LRRC8A: variants seen among roughly 807,000 people sequenced by gnomAD.
The protein encoded by LRRC8A is leucine rich repeat containing 8 VRAC subunit A.
Under a neutral mutation model 52.5 loss-of-function variants are expected in LRRC8A, and 24 were observed. The observed-to-expected ratio is 0.46, with a 90% confidence interval of 0.33 to 0.64. The LOEUF is 0.64. LRRC8A is among the 30% of genes least tolerant of loss of function. The pLI is 0.02. For missense variants in LRRC8A, 677 were observed against 1,094.7 expected (o/e 0.62, Z 5.38); for synonymous variants, 492 against 494.2 (o/e 1.00, Z 0.06).
In LRRC8A at chr9:128,902,619, C is replaced by T. The variant is rs949047864; in HGVS notation, c.-8-4538C>T. 7.2e-5 allele frequency among the ~76,000 whole-genome samples: 11 copies of T among 152,192 alleles called. No homozygotes were observed. The highest frequency in any genetic ancestry group is 2.2e-4 in the African/African-American group (9 of 41,436). ...GGGGCAGGCAGGCTGCTGCATGCAC[C>T]GGGCTCCTCTCCTCCCTCTTCTGTT... On this transcript the variant is annotated intron_variant, in intron 2 of 3. Coordinates refer to ENST00000372600, the MANE Select transcript of LRRC8A (RefSeq NM_019594.4). This position sits in a 1 kb window ranked among gnomAD's most constrained non-coding sequence, Gnocchi z 4.1.
Position 128,909,698 on chromosome 9 carries a change from C to G in LRRC8A, c.2157+377C>G, listed in dbSNP as rs184514286. On this transcript the variant is annotated intron_variant, in intron 3 of 3. Coordinates refer to ENST00000372600, the MANE Select transcript of LRRC8A (RefSeq NM_019594.4). ...AAACCCGGGGGTTCTCTCGCAAAGC[C>G]GGGTGGTGGGAGTCAAGACTTAGCC... 6.0e-4 allele frequency among the ~76,000 whole-genome samples: 92 copies of G among 152,292 alleles called. 1 individual carries two copies. Among genetic ancestry groups the G allele is most frequent in the East Asian group, 3.9e-3 (20 of 5,186 alleles).
Position 128,899,242 on chromosome 9 carries a change from A to G in LRRC8A, c.-8-7915A>G, listed in dbSNP as rs1839936913. ...CACAGCTCCGCCAGGACGCAGTGCC[A>G]GCTGAGAGGGCCGAGCACAGGGAGG... On this transcript the variant is annotated intron_variant, in intron 2 of 3. Transcript: ENST00000372600. The surrounding 1 kb of genome is among the most constrained non-coding windows in gnomAD (Gnocchi z 4.0). Among the ~76,000 whole-genome samples, 1 of 152,210 alleles carries G rather than the reference A, an allele frequency of 6.6e-6. No homozygotes were observed. The highest frequency in any genetic ancestry group is 2.1e-4 in the South Asian group (1 of 4,828).
chr9:128,909,266 C>T lies in LRRC8A; in HGVS notation c.2102C>T (p.Pro701Leu), dbSNP rs868542806. Residue 701 changes from proline (P) to leucine (L), a missense_variant, in exon 3 of 4, where the codon CCT becomes CTT. Physicochemically the swap from Pro to Leu is moderately conservative, Grantham distance 98. This residue lies in a region of LRRC8A where 169 missense variants were observed against 217.6 expected (regional missense o/e 0.78). Transcript: ENST00000372600. ...AGCCACAACAACCTGACCTTCCTCC[C>T]TGCCGACATCGGCCTCCTGCAGAAC... The part of the protein sequence containing the change: ...DLSHNNLTFL[P>L]ADIGLLQNLQ... The T allele has an allele frequency of 1.9e-6, 3 of 1,613,938 alleles. No individual in the cohort carries two copies. In the African/African-American group the frequency reaches 4.0e-5, roughly 22 times the overall value.
In LRRC8A at chr9:128,916,392, C is replaced by A; in HGVS notation, c.*21C>A. The A allele has an allele frequency of 6.3e-7, 1 of 1,598,820 alleles. No individual in the cohort carries two copies. Reference sequence around the variant, plus strand: ...CCTGAGCGAGGCCGGCCCAGCACAGCAAGCAGCAGGACCGCTGCCCAGTCC... The same window carrying A: ...CCTGAGCGAGGCCGGCCCAGCACAGAAAGCAGCAGGACCGCTGCCCAGTCC... On this transcript the variant is annotated 3_prime_UTR_variant, in exon 4 of 4. Transcript: ENST00000372600. The surrounding 1 kb of genome is among the most constrained non-coding windows in gnomAD (Gnocchi z 6.1).
At chr9:128,890,477 C>T (rs1283378465) in intron 2 of LRRC8A, among the ~76,000 whole-genome samples, 5 of 152,206 alleles carry the variant, frequency 3.3e-5, no homozygotes, top group Non-Finnish European at 7.3e-5. Flanking sequence ...CACTGCCAAA[C>T]CTGCGCCCTC....
At chr9:128,904,247 G>A (rs1033862048) in intron 2 of LRRC8A, among the ~76,000 whole-genome samples, 1 of 152,128 alleles carries the variant, frequency 6.6e-6, no homozygotes, top group African/African-American at 2.4e-5. Context: ...GGCCAGGCAT[G>A]GTGACTCACA....
intron 2 of LRRC8A, among the ~76,000 whole-genome samples, chr9:128,896,693 T>C (rs896657431): frequency 2.6e-5 from 4 of 152,192 alleles, no homozygotes; most frequent in African/African-American, 9.6e-5. Context: ...GTATTTATTC[T>C]GGATACTAAT....
rs1031154558 is a variant in LRRC8A at position 128,911,807 on chromosome 9, C to G, written c.2157+2486C>G. ...GGCTTAATCACATCCTGTCCCCACC[C>G]CCTGGAACACCAGAGCCTTAATAGG... On this transcript the variant is annotated intron_variant, in intron 3 of 3. Coordinates refer to ENST00000372600, the MANE Select transcript of LRRC8A (RefSeq NM_019594.4). This position sits in a 1 kb window ranked among gnomAD's most constrained non-coding sequence, Gnocchi z 4.9. 6.6e-6 allele frequency among the ~76,000 whole-genome samples: 1 copy of G among 152,230 alleles called. No homozygotes were observed. The highest frequency in any genetic ancestry group is 2.4e-5 in the African/African-American group (1 of 41,474).
rs1840316387 is a variant in LRRC8A at position 128,907,827 on chromosome 9, G to T, written c.663G>T (p.Gln221His). 1 of 1,613,966 alleles carries T rather than the reference G, an allele frequency of 6.2e-7. No homozygotes were observed. The highest frequency in any genetic ancestry group is 1.3e-5 in the African/African-American group (1 of 74,930). ...AGCGGACCAAGTCACGGATCGAGCA[G>T]GGTATCGTGGACCGCTCAGAGACGG... ...MLQRTKSRIE[Q>H]GIVDRSETGV... is the part of the protein sequence containing the mutation. Residue 221 changes from glutamine to histidine, a missense_variant, in exon 3 of 4, where the codon CAG (glutamine) becomes CAT (histidine). Gln to His is a conservative substitution (Grantham distance 24, BLOSUM62 0). This residue lies in a region of LRRC8A where 422 missense variants were observed against 741.5 expected (regional missense o/e 0.57). Coordinates refer to ENST00000372600, the MANE Select transcript of LRRC8A (RefSeq NM_019594.4). The surrounding 1 kb of genome is among the most constrained non-coding windows in gnomAD (Gnocchi z 9.3).
At chr9:128,914,583 G>C (rs1840722627) in intron 3 of LRRC8A, among the ~76,000 whole-genome samples, 1 of 152,202 alleles carries the variant, frequency 6.6e-6, no homozygotes, top group Admixed American at 6.5e-5. Flanking sequence ...AACCTCAGAC[G>C]AGTGGCGTGT....
rs1588212454 is a variant in LRRC8A, at chr9:128,902,149, A to G, written c.-8-5008A>G. 6.6e-6 allele frequency among the ~76,000 whole-genome samples: 1 copy of G among 152,152 alleles called. No homozygotes were observed. Among genetic ancestry groups the G allele is most frequent in the East Asian group, 1.9e-4 (1 of 5,178 alleles). On this transcript the variant is annotated intron_variant, in intron 2 of 3. Transcript: ENST00000372600. The surrounding 1 kb of genome is among the most constrained non-coding windows in gnomAD (Gnocchi z 4.1). The stretch of plus-strand genomic sequence containing the variant: ...ACCCCAGGGCCCTCCTCCACTCCCC[A>G]GACACACTCAAACTGGAGAGAGGAA...
rs557186454 is a variant in LRRC8A, at chr9:128,902,622, G to C, written c.-8-4535G>C. 2.0e-3 allele frequency among the ~76,000 whole-genome samples: 312 copies of C among 152,302 alleles called. No homozygotes were observed. The highest frequency in any genetic ancestry group is 7.2e-3 in the African/African-American group (301 of 41,568). Reference sequence around the variant, plus strand: ...GCAGGCAGGCTGCTGCATGCACCGGGCTCCTCTCCTCCCTCTTCTGTTCCC... The same window carrying C: ...GCAGGCAGGCTGCTGCATGCACCGGCCTCCTCTCCTCCCTCTTCTGTTCCC... On this transcript the variant is annotated intron_variant, in intron 2 of 3. Transcript: ENST00000372600. This position sits in a 1 kb window ranked among gnomAD's most constrained non-coding sequence, Gnocchi z 4.1.
chr9:128,915,474 G>A (rs1174241113), intron 3 of LRRC8A, among the ~76,000 whole-genome samples: 1 of 152,084 alleles, frequency 6.6e-6, no homozygotes, highest in Non-Finnish European at 1.5e-5. Context: ...ACAGGCGCCC[G>A]GCACCATGCC....
At chr9:128,912,530 G>A (rs1318982631) in intron 3 of LRRC8A, among the ~76,000 whole-genome samples, 1 of 143,830 alleles carries the variant, frequency 7.0e-6, no homozygotes, top group African/African-American at 2.5e-5. Flanking sequence ...TGGCAGGGGG[G>A]TCCTGTCCTA....
intron 3 of LRRC8A, among the ~76,000 whole-genome samples, chr9:128,910,155 C>T (rs1347278412): frequency 6.6e-6 from 1 of 152,208 alleles, no homozygotes; most frequent in African/African-American, 2.4e-5. Context: ...GAAACAAAGC[C>T]ACTGCCATTG....
chr9:128,891,843 C>T (rs1281518889), intron 2 of LRRC8A, among the ~76,000 whole-genome samples: 1 of 152,092 alleles, frequency 6.6e-6, no homozygotes, highest in Non-Finnish European at 1.5e-5. Flanking sequence ...GGCAGGTTGG[C>T]ACAATGGAAA....
Position 128,899,078 on chromosome 9 carries a change from G to A in LRRC8A, c.-8-8079G>A, listed in dbSNP as rs1839930530. ...GACGCGGGGGTGGGCAGCTGAGGGGGAAGGAGGAGTCCAGGCTGGGCAGAG... is the reference window on the plus strand; with the variant it reads ...GACGCGGGGGTGGGCAGCTGAGGGGAAAGGAGGAGTCCAGGCTGGGCAGAG... On this transcript the variant is annotated intron_variant, in intron 2 of 3. Transcript: ENST00000372600. This position sits in a 1 kb window ranked among gnomAD's most constrained non-coding sequence, Gnocchi z 4.0. Among the ~76,000 whole-genome samples, 1 of 152,206 alleles carries A rather than the reference G, an allele frequency of 6.6e-6. No individual in the cohort carries two copies. The highest frequency in any genetic ancestry group is 2.4e-5 in the African/African-American group (1 of 41,454).
intron 2 of LRRC8A, among the ~76,000 whole-genome samples, chr9:128,895,132 T>C (rs1385299178): frequency 6.6e-6 from 1 of 152,224 alleles, no homozygotes; most frequent in Non-Finnish European, 1.5e-5. Flanking sequence ...TTTTATATAC[T>C]GCTCAGCAAA....
chr9:128,915,609 G>A (rs1280529933), intron 3 of LRRC8A, among the ~76,000 whole-genome samples: 1 of 152,248 alleles, frequency 6.6e-6, no homozygotes, highest in Non-Finnish European at 1.5e-5. Flanking sequence ...ACAGGCGTGA[G>A]CCACCGCACC....
Sources: gnomAD v4.1 joint callset for allele counts (sites outside exome capture counted in the v4.1 genomes callset) on GRCh38, gnomAD v4.1.1 for gene constraint, gnomAD v4.1.1 regional missense constraint, Gnocchi (gnomAD v3.1) non-coding constraint, MANE v1.5 for transcripts, NCBI Gene and HGNC (gene_info 2026-07-23, HGNC 2026-07-21) for gene names.